FXN: variants seen among roughly 807,000 people sequenced by gnomAD.
FXN encodes the protein frataxin, mitochondrial.
Under a neutral mutation model 22.4 loss-of-function variants are expected in FXN, and 14 were observed. The ratio of observed to expected loss-of-function variants is 0.62; its 90% CI spans 0.41 to 0.98. FXN has a LOEUF of 0.98. Ranked by LOEUF, FXN falls within the 50% of genes least tolerant of loss-of-function variation. The probability of loss-of-function intolerance (pLI) is 0.00; values close to 1 mark genes in which losing one functional copy is unlikely to be tolerated. For missense variants in FXN, 267 were observed against 268.4 expected (o/e 0.99, Z 0.04); for synonymous variants, 120 against 114.1 (o/e 1.05, Z -0.33).
chr9:69,078,096 G>C lies in FXN; in HGVS notation c.*5334G>C. 2 of 985,352 alleles carry C rather than the reference G, an allele frequency of 2.0e-6. No homozygotes were observed. Among genetic ancestry groups the C allele is most frequent in the Non-Finnish European group, 2.4e-6 (2 of 829,914 alleles). The allele number at this position is 985,352 out of a possible 1,614,324, so 61.0% of individuals were successfully genotyped here. On this transcript the variant is annotated 3_prime_UTR_variant, in exon 5 of 5. Transcript: ENST00000484259. ...GGCTTAAATAAAACCCTAAGAGAAA[G>C]AAAAACTTTAAATCCCTCCAAAGCT...
Position 69,035,923 on chromosome 9 carries a change from T to C in FXN, c.141T>C (p.Asp47=). Residue 47 remains aspartate, a synonymous_variant, in exon 1 of 5, where the codon GAT becomes GAC. Coordinates refer to ENST00000484259, the MANE Select transcript of FXN (RefSeq NM_000144.5). ...GCCGTGGCCTGCGCACCGACATCGATGCGACCTGCACGCCCCGCCGCGCAG... is the reference window on the plus strand; with the variant it reads ...GCCGTGGCCTGCGCACCGACATCGACGCGACCTGCACGCCCCGCCGCGCAG... The part of the protein sequence containing the change: ...CGRRGLRTDI[D]ATCTPRRASS... 3 of 1,473,006 alleles carry C rather than the reference T, an allele frequency of 2.0e-6. No individual in the cohort carries two copies. Among genetic ancestry groups the C allele is most frequent in the Non-Finnish European group, 2.7e-6 (3 of 1,117,672 alleles). The allele number at this position is 1,473,006 out of a possible 1,614,324, so 91.2% of individuals were successfully genotyped here. A position where few individuals can be genotyped will look rare whatever the true frequency, so the allele number is the denominator to read the frequency against.
intron 3 of FXN, among the ~76,000 whole-genome samples, chr9:69,057,370 T>C (rs1831979384): frequency 6.6e-6 from 1 of 152,208 alleles, no homozygotes; most frequent in South Asian, 2.1e-4. Context: ...GCCCTGAGAT[T>C]GTCTCTCTGA....
intron 4 of FXN, among the ~76,000 whole-genome samples, chr9:69,066,967 C>A (rs925612553): frequency 6.6e-6 from 1 of 152,160 alleles, no homozygotes; most frequent in South Asian, 2.1e-4. Context: ...CCACAGGCTC[C>A]CCGGTCCACC....
In FXN at chr9:69,074,962, A is replaced by G. The variant is rs1832340339; in HGVS notation, c.*2200A>G. On this transcript the variant is annotated 3_prime_UTR_variant, in exon 5 of 5. Coordinates refer to ENST00000484259, the MANE Select transcript of FXN (RefSeq NM_000144.5). Reference sequence around the variant, plus strand: ...CCCCACTTACTTAGAACTCGGTGACATGATGTACTCCTTTATCTGGGACAC... The same window carrying G: ...CCCCACTTACTTAGAACTCGGTGACGTGATGTACTCCTTTATCTGGGACAC... 2 of 985,466 alleles carry G rather than the reference A, an allele frequency of 2.0e-6. No individual in the cohort carries two copies. The highest frequency in any genetic ancestry group is 2.4e-6 in the Non-Finnish European group (2 of 829,946). The allele number at this position is 985,466 out of a possible 1,614,324, so 61.0% of individuals were successfully genotyped here.
rs138159320 is a variant in FXN, at chr9:69,048,973, T to C, written c.263+2491T>C. Among the ~76,000 whole-genome samples, 9 of 152,344 alleles carry C rather than the reference T, an allele frequency of 5.9e-5. No homozygotes were observed. In the East Asian group the frequency reaches 1.5e-3, roughly 26 times the overall value. ...GAGGTTTTTGCTTTGGTGGCATCCA[T>C]TTCCAGCCTCGGCTTCCGGCATTCC... On this transcript the variant is annotated intron_variant, in intron 2 of 4. Coordinates refer to ENST00000484259, the MANE Select transcript of FXN (RefSeq NM_000144.5).
At chr9:69,041,285 G>A (rs1003020693) in intron 1 of FXN, among the ~76,000 whole-genome samples, 1 of 152,112 alleles carries the variant, frequency 6.6e-6, no homozygotes, top group Non-Finnish European at 1.5e-5. Flanking sequence ...GCTATGGCTT[G>A]CCCCTTTTGT....
At chr9:69,060,495 A>G (rs1308296181) in intron 3 of FXN, among the ~76,000 whole-genome samples, 2 of 152,196 alleles carry the variant, frequency 1.3e-5, no homozygotes, top group African/African-American at 4.8e-5. Context: ...ACACTCCCAA[A>G]ATAGACTCAG....
rs1209440024 is a variant in FXN, at chr9:69,073,520, T to A, written c.*758T>A. ...AAAGCCGTTTTCATGAGCTGAGTGA[T>A]GTAGCGTAACAAACAAAATCATGGA... is the stretch of plus-strand genomic sequence containing the variant. On this transcript the variant is annotated 3_prime_UTR_variant, in exon 5 of 5. Transcript: ENST00000484259. 18 of 985,350 alleles carry A rather than the reference T, an allele frequency of 1.8e-5. No homozygotes were observed. Among genetic ancestry groups the A allele is most frequent in the Non-Finnish European group, 2.2e-5 (18 of 829,980 alleles). 61.0% of individuals were successfully genotyped at this position (985,350 alleles called of 1,614,324 possible).
intron 4 of FXN, among the ~76,000 whole-genome samples, chr9:69,069,521 C>A (rs1177854782): frequency 6.6e-6 from 1 of 152,180 alleles, no homozygotes; most frequent in East Asian, 1.9e-4. Flanking sequence ...ACACTCACCC[C>A]GCTGAATGTC....
chr9:69,039,595 T>A lies in FXN; in HGVS notation c.165+3648T>A, dbSNP rs180724537. ...TTTGATGGAGGGATGTGACAGGGGC[T>A]GCATCTTTAACGTTTCCTCTTAAAT... On this transcript the variant is annotated intron_variant, in intron 1 of 4. Coordinates refer to ENST00000484259, the MANE Select transcript of FXN (RefSeq NM_000144.5). Among the ~76,000 whole-genome samples the A allele has an allele frequency of 8.9e-4, 135 of 152,278 alleles. 1 individual carries two copies. Among genetic ancestry groups the A allele is most frequent in the South Asian group, 8.1e-3 (39 of 4,818 alleles).
chr9:69,057,107 C>A (rs1286654454), intron 3 of FXN, among the ~76,000 whole-genome samples: 3 of 151,974 alleles, frequency 2.0e-5, no homozygotes, highest in Admixed American at 2.0e-4. Context: ...TTCTATTTAG[C>A]CCTTAGGGGA....
intron 1 of FXN, among the ~76,000 whole-genome samples, chr9:69,045,941 CA>C (rs1831744799): frequency 6.6e-6 from 1 of 152,176 alleles, no homozygotes; most frequent in African/African-American, 2.4e-5. Flanking sequence ...GCCAAGTGGG[CA>C]TGCTTTCAGT....
At chr9:69,052,460 A>G (rs929739973) in intron 2 of FXN, among the ~76,000 whole-genome samples, 23 of 151,832 alleles carry the variant, frequency 1.5e-4, no homozygotes, top group Non-Finnish European at 2.8e-4. Context: ...CCTGGCCCAG[A>G]AAGGACTATT....
intron 2 of FXN, among the ~76,000 whole-genome samples, chr9:69,046,800 G>A (rs1459180169): frequency 1.3e-5 from 2 of 152,108 alleles, no homozygotes; most frequent in African/African-American, 2.4e-5. Flanking sequence ...AACCAATAAC[G>A]TTTGTGTCCT....
chr9:69,044,931 A>G (rs1831720743), intron 1 of FXN, among the ~76,000 whole-genome samples: 1 of 152,238 alleles, frequency 6.6e-6, no homozygotes, highest in African/African-American at 2.4e-5. Flanking sequence ...TCTGGACTTC[A>G]GCAGGATTCT....
At chr9:69,068,572 G>A (rs1333197598) in intron 4 of FXN, among the ~76,000 whole-genome samples, 1 of 152,240 alleles carries the variant, frequency 6.6e-6, no homozygotes, top group African/African-American at 2.4e-5. Context: ...CCTCCTGTGG[G>A]CGGCAGTGCT....
Position 69,075,093 on chromosome 9 carries a change from C to CT in FXN, c.*2334dup. 1 of 985,402 alleles carries CT rather than the reference C, an allele frequency of 1.0e-6. No individual in the cohort carries two copies. The highest frequency in any genetic ancestry group is 1.2e-6 in the Non-Finnish European group (1 of 829,928). The allele number at this position is 985,402 out of a possible 1,614,324, so 61.0% of individuals were successfully genotyped here. ...GGGCCAGCCCTTCAGGCCTATTTTA[C>CT]TTTCATTTTACATATAGCTCTAATT... On this transcript the variant is annotated 3_prime_UTR_variant, in exon 5 of 5. Coordinates refer to ENST00000484259, the MANE Select transcript of FXN (RefSeq NM_000144.5).
chr9:69,075,834 C>T lies in FXN; in HGVS notation c.*3072C>T, dbSNP rs1832356241. The stretch of plus-strand genomic sequence containing the variant: ...CAGCCTCGACCTCCCTGGGCTTGGG[C>T]AATCCTCCCACAGGTGTGCACCTCC... On this transcript the variant is annotated 3_prime_UTR_variant, in exon 5 of 5. Transcript: ENST00000484259. 1 of 596,470 alleles carries T rather than the reference C, an allele frequency of 1.7e-6. No individual in the cohort carries two copies. The highest frequency in any genetic ancestry group is 2.1e-6 in the Non-Finnish European group (1 of 475,322). The allele number at this position is 596,470 out of a possible 1,614,324, so 36.9% of individuals were successfully genotyped here. A position where few individuals can be genotyped will look rare whatever the true frequency, so the allele number is the denominator to read the frequency against.
At position 69,076,491 on chromosome 9, in the gene FXN, T is replaced by C; in HGVS notation, c.*3729T>C. 2 of 985,440 alleles carry C rather than the reference T, an allele frequency of 2.0e-6. No homozygotes were observed. Among genetic ancestry groups the C allele is most frequent in the Non-Finnish European group, 2.4e-6 (2 of 829,902 alleles). 61.0% of individuals were successfully genotyped at this position (985,440 alleles called of 1,614,324 possible). On this transcript the variant is annotated 3_prime_UTR_variant, in exon 5 of 5. Coordinates refer to ENST00000484259, the MANE Select transcript of FXN (RefSeq NM_000144.5). Reference sequence around the variant, plus strand: ...CATTTATCGTGTGCCTTACCATGCTTATATTTTACTTGATCTTTTGCATAC... The same window carrying C: ...CATTTATCGTGTGCCTTACCATGCTCATATTTTACTTGATCTTTTGCATAC...
Sources: allele counts gnomAD v4.1 joint callset (sites outside exome capture counted in the v4.1 genomes callset), GRCh38; gene constraint gnomAD v4.1.1; transcripts MANE v1.5; gene names NCBI Gene and HGNC (gene_info 2026-07-23, HGNC 2026-07-21).